CFAP251: variants seen among roughly 807,000 people sequenced by gnomAD.
The protein encoded by CFAP251 is cilia and flagella associated protein 251.
Under a neutral mutation model 126.7 loss-of-function variants are expected in CFAP251, and 93 were observed. The ratio of observed to expected loss-of-function variants is 0.73; its 90% confidence interval spans 0.62 to 0.87. The LOEUF is 0.87. Ranked by LOEUF, CFAP251 falls within the 40% of genes least tolerant of loss-of-function variation. CFAP251 has a pLI of 0.00. For synonymous variants in CFAP251, 503 were observed against 506.9 expected (o/e 0.99, Z 0.10); for missense variants, 1,287 against 1,389.2 (o/e 0.93, Z 1.17).
At chr12:121,928,129 G>A (rs11612027) in intron 3 of CFAP251, among the ~76,000 whole-genome samples, 1 of 152,122 alleles carries the variant, frequency 6.6e-6, no homozygotes, top group Non-Finnish European at 1.5e-5. Flanking sequence ...AGTCCTTTTA[G>A]GAATGCTTTC....
At chr12:121,929,300 A>G (rs1303370070) in intron 3 of CFAP251, among the ~76,000 whole-genome samples, 2 of 150,222 alleles carry the variant, frequency 1.3e-5, no homozygotes, top group African/African-American at 4.9e-5. Flanking sequence ...CAGCCTGGTG[A>G]CAGAGCGAGA....
intron 1 of CFAP251, among the ~76,000 whole-genome samples, chr12:121,920,398 A>ATT (rs35621554): frequency 0.054 from 5,202 of 96,276 alleles, 143 homozygotes; most frequent in Non-Finnish European, 0.058. Flanking sequence ...GGCTTTTTGT[A>ATT]TTTTTTTTTT....
intron 10 of CFAP251, among the ~76,000 whole-genome samples, chr12:121,956,145 C>T (rs1427905363): frequency 6.6e-6 from 1 of 152,230 alleles, no homozygotes; most frequent in African/African-American, 2.4e-5. Context: ...TGTCACGTGG[C>T]ACTGCCTTCT....
chr12:121,981,480 T>C (rs531532354), intron 19 of CFAP251, among the ~76,000 whole-genome samples: 1 of 152,208 alleles, frequency 6.6e-6, no homozygotes, highest in African/African-American at 2.4e-5. Context: ...CAACTTCAGC[T>C]TCAGCAATTC....
intron 13 of CFAP251, chr12:121,959,639 AAC>A (rs1186838679): frequency 6.6e-6 from 1 of 152,234 alleles, no homozygotes; most frequent in East Asian, 1.9e-4. Flanking sequence ...ACCTTTCAAA[AAC>A]ACATAGCTTT....
At chr12:121,978,570 A>C (rs920557353) in intron 19 of CFAP251, among the ~76,000 whole-genome samples, 1 of 151,984 alleles carries the variant, frequency 6.6e-6, no homozygotes, top group African/African-American at 2.4e-5. Flanking sequence ...TTATATATGG[A>C]CATAGATATA....
intron 19 of CFAP251, among the ~76,000 whole-genome samples, chr12:121,981,963 T>A (rs1297680068): frequency 6.6e-6 from 1 of 152,224 alleles, no homozygotes; most frequent in East Asian, 1.9e-4. Flanking sequence ...TTTCGTACAG[T>A]ACACGGCACA....
At chr12:121,942,193 T>C (rs963144594) in intron 5 of CFAP251, among the ~76,000 whole-genome samples, 1 of 152,118 alleles carries the variant, frequency 6.6e-6, no homozygotes, top group Non-Finnish European at 1.5e-5. Context: ...ATCATCTCTA[T>C]CCAGTTCCAA....
In CFAP251 at chr12:121,959,084, T is replaced by C. The variant is rs75883955; in HGVS notation, c.2123T>C (p.Met708Thr). ...HISFSHDSQY[M>T]ATADRSFTVA... is the part of the protein sequence containing the mutation. ...AGCTTTTCCCATGACTCCCAGTATA[T>C]GGCAACTGCTGTAAGTATTTTCATG... is the stretch of plus-strand genomic sequence containing the variant. The change falls in exon 13 of 22, where the codon ATG becomes ACG. Residue 708 changes from methionine to threonine, a missense_variant. By Grantham distance (81) the Met-to-Thr change is moderately conservative (BLOSUM62 -1). Coordinates refer to ENST00000288912, the MANE Select transcript of CFAP251 (RefSeq NM_144668.6). 0.01 allele frequency: 16,678 copies of C among 1,589,332 alleles called. 125 individuals carry two copies. Among genetic ancestry groups the C allele is most frequent in the Non-Finnish European group, 0.013 (15,471 of 1,173,060 alleles).
At chr12:121,924,043 T>G in intron 3 of CFAP251, 53 bp downstream of exon 3, 98 of 1,492,126 alleles carry the variant, frequency 6.6e-5, no homozygotes, top group Non-Finnish European at 7.9e-5. Flanking sequence ...TGTTGCGCAA[T>G]AGGGGAATTT....
rs563621345 is a variant in CFAP251, at chr12:121,931,373, C to G, written c.748-373C>G. The stretch of plus-strand genomic sequence containing the variant: ...TGTCGCCCGGGCTGGAGTGCGATGG[C>G]GCGATCTCGGCTCACTGCAACCTCC... On this transcript the variant is annotated intron_variant, in intron 3 of 21. Transcript: ENST00000288912. Among the ~76,000 whole-genome samples the G allele has an allele frequency of 3.3e-5, 5 of 150,686 alleles. No homozygotes were observed. In the East Asian group the frequency reaches 5.8e-4, roughly 18 times the overall value.
intron 5 of CFAP251, among the ~76,000 whole-genome samples, chr12:121,941,869 CT>C: frequency 6.6e-6 from 1 of 152,244 alleles, no homozygotes; most frequent in East Asian, 1.9e-4. Context: ...AGCCAAACTG[CT>C]TCTAGAAAAG....
At chr12:121,968,857 G>T in intron 17 of CFAP251, 1 of 982,510 alleles carries the variant, frequency 1.0e-6, no homozygotes, top group Non-Finnish European at 1.2e-6. Context: ...GCAAGTGAAT[G>T]ATTTCCTTTC....
intron 21 of CFAP251, among the ~76,000 whole-genome samples, chr12:122,002,400 C>T (rs1337240937): frequency 6.6e-6 from 1 of 152,066 alleles, no homozygotes; most frequent in East Asian, 1.9e-4. Context: ...ATTAGCTGGG[C>T]ATAGCGGTGT....
Position 121,923,960 on chromosome 12 carries a change from A to G in CFAP251, c.717A>G (p.Gln239=). ...VSSTTEDILF[Q]KDKSTPVYPL... is the part of the protein sequence containing the mutation. ...GCACCACAGAGGACATTCTGTTTCA[A>G]AAGGATAAAAGCACCCCGGTGTATC... is the stretch of plus-strand genomic sequence containing the variant. Residue 239 remains glutamine (Q), a synonymous_variant, in exon 3 of 22, where the codon CAA becomes CAG. Coordinates refer to ENST00000288912, the MANE Select transcript of CFAP251 (RefSeq NM_144668.6). The G allele has an allele frequency of 6.2e-7, 1 of 1,612,946 alleles. No individual in the cohort carries two copies. Among genetic ancestry groups the G allele is most frequent in the Non-Finnish European group, 8.5e-7 (1 of 1,179,698 alleles).
Position 121,928,683 on chromosome 12 carries a change from TATATACGTATATATATATATA to T in CFAP251, c.748-3062_748-3042del, listed in dbSNP as rs1565902755. 1.5e-4 allele frequency among the ~76,000 whole-genome samples: 6 copies of T among 39,848 alleles called. No individual in the cohort carries two copies. The South Asian group carries it at 1.7e-3, about 12-fold the overall frequency. 26.1% of individuals were successfully genotyped at this position (39,848 alleles called of 152,430 possible). On this transcript the variant is annotated intron_variant, in intron 3 of 21. Coordinates refer to ENST00000288912, the MANE Select transcript of CFAP251 (RefSeq NM_144668.6). The stretch of plus-strand genomic sequence containing the variant: ...GTATATATATACGTATATATATATA[TATATACGTATATATATATATA>T]TTTTTTTTTTGAGACAGGGTCTTGC...
At chr12:121,955,354 CTTAATTA>C (rs1046755744) in intron 10 of CFAP251, among the ~76,000 whole-genome samples, 2 of 152,072 alleles carry the variant, frequency 1.3e-5, no homozygotes, top group African/African-American at 4.8e-5. Flanking sequence ...AAAACTCTGT[CTTAATTA>C]AGACAGAGTT....
rs1355111150 is a variant in CFAP251, at chr12:121,951,272, C to A, written c.1270-208C>A. 2.8e-5 allele frequency: 12 copies of A among 422,798 alleles called. No homozygotes were observed. The East Asian group carries it at 3.3e-4, about 12-fold the overall frequency. The allele number at this position is 422,798 out of a possible 1,614,324, so 26.2% of individuals were successfully genotyped here. ...ATCTCAAGAAAAAAAAAGTCATAAT[C>A]ATTTGTGGCATTTTTTATATTTTTT... On this transcript the variant is annotated intron_variant, in intron 8 of 21. Coordinates refer to ENST00000288912, the MANE Select transcript of CFAP251 (RefSeq NM_144668.6).
At chr12:121,960,811 G>A in intron 14 of CFAP251, 53 bp downstream of exon 14, 2 of 1,592,854 alleles carry the variant, frequency 1.3e-6, no homozygotes, top group Non-Finnish European at 1.7e-6. Context: ...TCTCACTCTT[G>A]TGACATCCCT....
Sources: allele counts gnomAD v4.1 joint callset (sites outside exome capture counted in the v4.1 genomes callset), GRCh38; gene constraint gnomAD v4.1.1; transcripts MANE v1.5; gene names NCBI Gene and HGNC (gene_info 2026-07-23, HGNC 2026-07-21).